ALK: variants seen among roughly 807,000 people sequenced by gnomAD.
ALK encodes ALK receptor tyrosine kinase.
A neutral mutation model predicts 163.1 loss-of-function variants in ALK; 74 were observed. The observed-to-expected ratio is 0.45, with a 90% CI of 0.38 to 0.55. The LOEUF is 0.55. Ranked by LOEUF, ALK falls within the 20% of genes least tolerant of loss-of-function variation. ALK has a pLI of 0.00. For synonymous variants in ALK, 960 were observed against 843.2 expected (o/e 1.14, Z -2.40); for missense variants, 2,063 against 2,105.3 (o/e 0.98, Z 0.39).
At chr2:29,831,003 GAA>G (rs1665375010) in intron 1 of ALK, among the ~76,000 whole-genome samples, 2 of 55,792 alleles carry the variant, frequency 3.6e-5, no homozygotes, top group Non-Finnish European at 3.7e-5. Context: ...AGAAGAAGAA[GAA>G]GAAGAAGGGG....
At chr2:29,683,413 A>C (rs1031208325) in intron 3 of ALK, among the ~76,000 whole-genome samples, 3 of 151,784 alleles carry the variant, frequency 2.0e-5, no homozygotes, top group African/African-American at 4.8e-5. Context: ...AAACAAAAAC[A>C]AAAAAAATGA....
intron 3 of ALK, among the ~76,000 whole-genome samples, chr2:29,676,144 T>G (rs761802858): frequency 2.0e-5 from 3 of 152,096 alleles, no homozygotes; most frequent in Admixed American, 6.6e-5. Flanking sequence ...CCCAGTCTTG[T>G]GGCTTGATTT....
Position 29,239,797 on chromosome 2 carries a change from G to A in ALK, c.2238C>T (p.Gly746=), listed in dbSNP as rs142109683. The change falls in exon 13 of 29, where the codon GGC becomes GGT. Residue 746 remains glycine, a synonymous_variant. Transcript: ENST00000389048. ...GGGACCGCATCATGGTGTTCTTCCC[G>A]CCTTTCCCGCCAGCAGCTCCGTAGC... The part of the protein sequence containing the change: ...ISGYGAAGGK[G]GKNTMMRSHG... 104 of 1,613,630 alleles carry A rather than the reference G, an allele frequency of 6.4e-5. No homozygotes were observed. The African/African-American group carries it at 9.1e-4, about 14-fold the overall frequency.
intron 1 of ALK, among the ~76,000 whole-genome samples, chr2:29,835,936 C>T (rs932079303): frequency 6.6e-6 from 1 of 152,164 alleles, no homozygotes; most frequent in Admixed American, 6.6e-5. Context: ...ATGTCTTTAT[C>T]GGCAGTGTGA....
At chr2:29,365,935 G>A (rs115923766) in intron 5 of ALK, among the ~76,000 whole-genome samples, 2,814 of 152,168 alleles carry the variant, frequency 0.018, 79 homozygotes, top group African/African-American at 0.064. Flanking sequence ...TTGCAACATC[G>A]CCTGAGGTTT....
At position 29,192,881 on chromosome 2, in the gene ALK, G is replaced by A; in HGVS notation, c.*343C>T. ...TCTATGACCCCAACTATGAAACATA[G>A]AAGCAGCTAATTCTGACTACATTGA... On this transcript the variant is annotated 3_prime_UTR_variant, in exon 29 of 29. Transcript: ENST00000389048. 1 of 413,462 alleles carries A rather than the reference G, an allele frequency of 2.4e-6. No individual in the cohort carries two copies. Among genetic ancestry groups the A allele is most frequent in the Non-Finnish European group, 4.5e-6 (1 of 222,496 alleles). 25.6% of individuals were successfully genotyped at this position (413,462 alleles called of 1,614,324 possible). A position where few individuals can be genotyped will look rare whatever the true frequency, so the allele number is the denominator to read the frequency against.
chr2:29,261,644 G>C (rs546410934), intron 11 of ALK, among the ~76,000 whole-genome samples: 1 of 152,248 alleles, frequency 6.6e-6, no homozygotes, highest in South Asian at 2.1e-4. Context: ...TTTCGATACA[G>C]CTCACTAAGT....
chr2:29,417,146 C>G (rs1197862154), intron 4 of ALK, among the ~76,000 whole-genome samples: 1 of 151,832 alleles, frequency 6.6e-6, no homozygotes, highest in Non-Finnish European at 1.5e-5. Context: ...TGCCACCATG[C>G]CCGGCTAATT....
intron 4 of ALK, among the ~76,000 whole-genome samples, chr2:29,443,169 G>C (rs1006844311): frequency 2.0e-4 from 30 of 152,200 alleles, no homozygotes; most frequent in African/African-American, 6.8e-4. Flanking sequence ...TGCCTCTGTA[G>C]TGTCACAGGT....
At chr2:29,313,766 G>C (rs1424938992) in intron 8 of ALK, among the ~76,000 whole-genome samples, 1 of 152,088 alleles carries the variant, frequency 6.6e-6, no homozygotes, top group Non-Finnish European at 1.5e-5. Context: ...CAATAGTTAT[G>C]CTCATCTTCT....
chr2:29,447,780 C>G (rs1294544949), intron 4 of ALK, among the ~76,000 whole-genome samples: 1 of 152,160 alleles, frequency 6.6e-6, no homozygotes, highest in Non-Finnish European at 1.5e-5. Flanking sequence ...AACCCACGCA[C>G]ACATCTTGTC....
chr2:29,425,182 G>A (rs949134477), intron 4 of ALK, among the ~76,000 whole-genome samples: 2 of 152,156 alleles, frequency 1.3e-5, no homozygotes, highest in African/African-American at 4.8e-5. Flanking sequence ...ATTAAGAGAA[G>A]CTACTAAAAC....
At chr2:29,374,769 T>C (rs1209932543) in intron 5 of ALK, among the ~76,000 whole-genome samples, 1 of 152,218 alleles carries the variant, frequency 6.6e-6, no homozygotes, top group Non-Finnish European at 1.5e-5. Context: ...GCTTATCTTT[T>C]AAATGGTTCA....
intron 3 of ALK, among the ~76,000 whole-genome samples, chr2:29,662,286 A>G (rs889036145): frequency 1.6e-4 from 24 of 152,278 alleles, no homozygotes; most frequent in African/African-American, 5.5e-4. Flanking sequence ...GGTCTAAGGA[A>G]GATGAGTTTG....
At chr2:29,631,563 G>A (rs1415625128) in intron 3 of ALK, among the ~76,000 whole-genome samples, 2 of 152,224 alleles carry the variant, frequency 1.3e-5, no homozygotes, top group East Asian at 1.9e-4. Context: ...CCTACTAGCT[G>A]TAGGATCTTA....
intron 1 of ALK, among the ~76,000 whole-genome samples, chr2:29,819,158 T>C (rs775240716): frequency 4.6e-5 from 7 of 152,332 alleles, no homozygotes; most frequent in Middle Eastern, 6.8e-3. Flanking sequence ...CCAGAACCTA[T>C]TGAATCCAAA....
rs183279164 is a variant in ALK, at chr2:29,588,926, T to C, written c.953-56810A>G. On this transcript the variant is annotated intron_variant, in intron 3 of 28. Coordinates refer to ENST00000389048, the MANE Select transcript of ALK (RefSeq NM_004304.5). Reference sequence around the variant, plus strand: ...GCTGCCTTGTGCTGTTTCAGCACCTTACTGAATGCATTGGGTACTGGTGAA... The same window carrying C: ...GCTGCCTTGTGCTGTTTCAGCACCTCACTGAATGCATTGGGTACTGGTGAA... Among the ~76,000 whole-genome samples, 46 of 152,346 alleles carry C rather than the reference T, an allele frequency of 3.0e-4. 1 individual carries two copies. The highest frequency in any genetic ancestry group is 1.1e-3 in the African/African-American group (46 of 41,582).
intron 3 of ALK, among the ~76,000 whole-genome samples, chr2:29,532,475 T>C (rs1310845816): frequency 1.6e-4 from 25 of 152,238 alleles, no homozygotes; most frequent in Non-Finnish European, 1.5e-5. Context: ...ACTAGTTGAA[T>C]GATCTTTGGA....
chr2:29,259,511 C>A lies in ALK; in HGVS notation c.2042-8244G>T, dbSNP rs539006728. Among the ~76,000 whole-genome samples, 26 of 152,136 alleles carry A rather than the reference C, an allele frequency of 1.7e-4. No individual in the cohort carries two copies. The Middle Eastern group carries it at 0.017, about 100-fold the overall frequency. The stretch of plus-strand genomic sequence containing the variant: ...AGAGAGGGGTCACTGGAGAAATATT[C>A]CTTGAATTATTTGAGTGTTGATAAT... On this transcript the variant is annotated intron_variant, in intron 11 of 28. Coordinates refer to ENST00000389048, the MANE Select transcript of ALK (RefSeq NM_004304.5).
Sources: gnomAD v4.1 joint callset for allele counts (sites outside exome capture counted in the v4.1 genomes callset) on GRCh38, gnomAD v4.1.1 for gene constraint, MANE v1.5 for transcripts, NCBI Gene and HGNC (gene_info 2026-07-23, HGNC 2026-07-21) for gene names.